The following RIMS2 variants were observed in gnomAD, a reference collection of about 807,000 sequenced individuals.
RIMS2 encodes the protein regulating synaptic membrane exocytosis protein 2.
In RIMS2, 59 loss-of-function variants were observed where a neutral mutation model predicts 174.4. The ratio of observed to expected loss-of-function variants is 0.34; its 90% CI spans 0.27 to 0.42. The LOEUF (loss-of-function observed/expected upper bound fraction) is 0.42. Among genes scored for constraint, RIMS2 ranks in the 10% least tolerant of loss-of-function variants. The pLI, the probability that RIMS2 is intolerant of heterozygous loss-of-function variation, is 1.00. For synonymous variants in RIMS2, 606 were observed against 572.5 expected (o/e 1.06, Z -0.84); for missense variants, 1,620 against 1,666.3 (o/e 0.97, Z 0.48).
At chr8:103,532,874 G>GA (rs1837889609) in intron 1 of RIMS2, among the ~76,000 whole-genome samples, 1 of 152,024 alleles carries the variant, frequency 6.6e-6, no homozygotes, top group African/African-American at 2.4e-5. Flanking sequence ...AACAAAAAAA[G>GA]AAAAAAGGGA....
chr8:103,705,974 C>A (rs2097220310), intron 2 of RIMS2, among the ~76,000 whole-genome samples: 1 of 151,482 alleles, frequency 6.6e-6, no homozygotes, highest in African/African-American at 2.4e-5. Flanking sequence ...TTGTAAGTTC[C>A]TTCTTCCTTC....
chr8:103,756,895 G>A (rs79205190), intron 2 of RIMS2, among the ~76,000 whole-genome samples: 1,547 of 151,996 alleles, frequency 0.01, 30 homozygotes, highest in African/African-American at 0.035. Context: ...TGGATTTTCT[G>A]TCATAATCAA....
intron 3 of RIMS2, among the ~76,000 whole-genome samples, chr8:103,827,395 A>G (rs1164473378): frequency 6.6e-6 from 1 of 152,184 alleles, no homozygotes; most frequent in Non-Finnish European, 1.5e-5. Context: ...TGTGTAAGCA[A>G]TCATGTCATT....
At position 103,927,881 on chromosome 8, in the gene RIMS2, A is replaced by G. The variant is rs2079082853; in HGVS notation, c.2236A>G (p.Arg746Gly). 1 of 1,607,766 alleles carries G rather than the reference A, an allele frequency of 6.2e-7. No homozygotes were observed. Among genetic ancestry groups the G allele is most frequent in the South Asian group, 1.1e-5 (1 of 90,320 alleles). Residue 746 changes from arginine (R) to glycine (G), a missense_variant, in exon 11 of 24, where the codon AGG becomes GGG. By Grantham distance (125) the Arg-to-Gly change is moderately radical. This residue lies in a region of RIMS2 where 1,395 missense variants were observed against 1,360.1 expected (regional missense o/e 1.03). Coordinates refer to ENST00000504942, the Ensembl canonical transcript of RIMS2. Reference sequence around the variant, plus strand: ...TAGAAGAACAACGCCTTTTGTTCCTAGGGTTCAGGTAAAGGCCTTGTCTGC... The same window carrying G: ...TAGAAGAACAACGCCTTTTGTTCCTGGGGTTCAGGTAAAGGCCTTGTCTGC...
intron 1 of RIMS2, among the ~76,000 whole-genome samples, chr8:103,513,724 G>A (rs1056721114): frequency 1.3e-5 from 2 of 152,128 alleles, no homozygotes; most frequent in African/African-American, 2.4e-5. Flanking sequence ...ATAAATGAAA[G>A]TGCCTGTGAG....
intron 2 of RIMS2, among the ~76,000 whole-genome samples, chr8:103,734,632 A>G (rs1204972080): frequency 2.0e-5 from 3 of 151,900 alleles, no homozygotes. Flanking sequence ...AACAGGTACT[A>G]TATGCCTGTT....
At chr8:103,561,546 C>G (rs1375489935) in intron 1 of RIMS2, among the ~76,000 whole-genome samples, 1 of 152,090 alleles carries the variant, frequency 6.6e-6, no homozygotes, top group Non-Finnish European at 1.5e-5. Flanking sequence ...AAAGACATTT[C>G]TTGTTTAAAA....
At chr8:103,549,344 C>T (rs967502782) in intron 1 of RIMS2, among the ~76,000 whole-genome samples, 1 of 152,114 alleles carries the variant, frequency 6.6e-6, no homozygotes, top group Non-Finnish European at 1.5e-5. Context: ...GAATTTTCAA[C>T]CCAGAATTTC....
chr8:103,620,342 T>C (rs2095606294), intron 1 of RIMS2, among the ~76,000 whole-genome samples: 1 of 152,116 alleles, frequency 6.6e-6, no homozygotes. Context: ...GACAATAAAC[T>C]CATAATGAAA....
chr8:104,145,122 ATTTTG>A lies in RIMS2; in HGVS notation c.3335-99784_3335-99780del, dbSNP rs139997464. On this transcript the variant is annotated intron_variant, in intron 19 of 23. Transcript: ENST00000504942. ...ATTTGTGGGTTTTTCCCCTTGTCTT[ATTTTG>A]TTTTGTTTTTGCTATTATAATCAAT... Among the ~76,000 whole-genome samples, 405 of 152,000 alleles carry A rather than the reference ATTTTG, an allele frequency of 2.7e-3. 1 individual carries two copies. The highest frequency in any genetic ancestry group is 9.3e-3 in the African/African-American group (385 of 41,468).
At chr8:103,693,516 G>C (rs1403083092) in intron 1 of RIMS2, among the ~76,000 whole-genome samples, 1 of 152,122 alleles carries the variant, frequency 6.6e-6, no homozygotes, top group Admixed American at 6.6e-5. Context: ...TATCTCCTTG[G>C]TTTTTCATGA....
At chr8:103,563,790 G>A (rs182765798) in intron 1 of RIMS2, among the ~76,000 whole-genome samples, 2 of 152,120 alleles carry the variant, frequency 1.3e-5, no homozygotes, top group African/African-American at 2.4e-5. Context: ...ACAGTTCCAC[G>A]TGGCTGGGAA....
rs1324883990 is a variant in RIMS2, at chr8:103,695,725, G to GT, written c.177-1352dup. ...CTGTGTATGAGATCCTGGGTTGACA[G>GT]TTTTTTTTTGTTTGTTTGTTTGTTT... On this transcript the variant is annotated intron_variant, in intron 1 of 23. Transcript: ENST00000504942. Among the ~76,000 whole-genome samples, 409 of 149,474 alleles carry GT rather than the reference G, an allele frequency of 2.7e-3. 1 individual carries two copies. Among genetic ancestry groups the GT allele is most frequent in the African/African-American group, 7.9e-3 (326 of 41,052 alleles).
chr8:103,800,244 G>A (rs79128825), intron 3 of RIMS2, among the ~76,000 whole-genome samples: 1 of 151,572 alleles, frequency 6.6e-6, no homozygotes, highest in Non-Finnish European at 1.5e-5. Flanking sequence ...AGGTTTTTTG[G>A]CATTTTTTAC....
chr8:103,522,237 A>G (rs4641028), intron 1 of RIMS2, among the ~76,000 whole-genome samples: 57,185 of 151,896 alleles, frequency 0.38, 11,101 homozygotes, highest in African/African-American at 0.4. Flanking sequence ...TTAAGATTTC[A>G]GTAAGGGTTT....
intron 1 of RIMS2, 60 bp from the exon 4 acceptor site, chr8:103,697,026 A>G: frequency 1.0e-6 from 1 of 982,744 alleles, no homozygotes; most frequent in Non-Finnish European, 1.6e-6. Context: ...AAATTGTGAT[A>G]ATTTTTCCTT....
chr8:104,244,924 G>A (rs780009621), exon 20 of RIMS2: 1 of 1,613,510 alleles, frequency 6.2e-7, no homozygotes, highest in African/African-American at 1.3e-5. Context: ...AGAAGCAGGA[G>A]GTAAAAAACT....
chr8:104,137,078 A>T (rs889989052), intron 19 of RIMS2, among the ~76,000 whole-genome samples: 1 of 152,186 alleles, frequency 6.6e-6, no homozygotes, highest in Non-Finnish European at 1.5e-5. Flanking sequence ...TTATTTTATG[A>T]ATGGTTTTTA....
chr8:103,966,780 T>G (rs2154546672), intron 15 of RIMS2, among the ~76,000 whole-genome samples: 1 of 152,268 alleles, frequency 6.6e-6, no homozygotes, highest in East Asian at 1.9e-4. Flanking sequence ...TTCTAAGTAC[T>G]GCTTTCACTG....
Sources: allele counts gnomAD v4.1 joint callset (sites outside exome capture counted in the v4.1 genomes callset), GRCh38; gene constraint gnomAD v4.1.1; regional missense constraint gnomAD v4.1.1; transcripts MANE v1.5; gene names NCBI Gene and HGNC (gene_info 2026-07-23, HGNC 2026-07-21).